The following ANKRD62 variants were observed in gnomAD, a reference collection of about 807,000 sequenced individuals.
The protein encoded by ANKRD62 is ankyrin repeat domain 62, also known as ankyrin repeat domain-containing protein 62.
In ANKRD62, 61 loss-of-function variants were observed where a neutral mutation model predicts 98.8. The observed-to-expected ratio is 0.62, with a 90% CI of 0.50 to 0.76. The LOEUF is 0.76. Ranked by LOEUF, ANKRD62 falls within the 30% of genes least tolerant of loss-of-function variation. The pLI is 0.00. For synonymous variants in ANKRD62, 341 were observed against 367.9 expected (o/e 0.93, Z 0.84); for missense variants, 933 against 1,082.9 (o/e 0.86, Z 1.94).
chr18:12,117,381 G>A (rs944976693), intron 10 of ANKRD62, among the ~76,000 whole-genome samples: 9 of 152,170 alleles, frequency 5.9e-5, no homozygotes, highest in Non-Finnish European at 1.0e-4. Flanking sequence ...TAGAGTTTAC[G>A]TAAACCTATT....
At chr18:12,167,766 C>T in the ANKRD62 span, among the ~76,000 whole-genome samples, 3 of 152,198 alleles carry the variant, frequency 2.0e-5, no homozygotes, top group Admixed American at 6.5e-5. Flanking sequence ...AAAAGCATTC[C>T]TATTTCTCCA....
intron 7 of ANKRD62, among the ~76,000 whole-genome samples, chr18:12,106,274 A>G (rs7242541): frequency 0.61 from 93,219 of 152,022 alleles, 29,053 homozygotes; most frequent in Middle Eastern, 0.75. Flanking sequence ...TTATTATGTC[A>G]GTACCATGGA....
At chr18:12,168,241 T>C in the ANKRD62 span, among the ~76,000 whole-genome samples, 6 of 152,164 alleles carry the variant, frequency 3.9e-5, no homozygotes, top group East Asian at 1.2e-3. Flanking sequence ...TTGCCTAGGT[T>C]TTCTTCTAGG....
rs1909344192 is a variant in ANKRD62 at position 12,103,219 on chromosome 18, C to T, written c.882C>T (p.Ser294=). Residue 294 remains serine (S), a synonymous_variant, in exon 7 of 14, where the codon AGC becomes AGT. Transcript: ENST00000587848. The part of the protein sequence containing the change: ...EQERLEGCES[S]QPQVEEKMKK... ...AAAGGCTTGAAGGATGTGAAAGTAG[C>T]CAGCCACAGGTATGTAAAAATTTAA... is the stretch of plus-strand genomic sequence containing the variant. 2.9e-6 allele frequency: 4 copies of T among 1,356,612 alleles called. No individual in the cohort carries two copies. The highest frequency in any genetic ancestry group is 3.0e-5 in the Admixed American group (1 of 33,072). 84.0% of individuals were successfully genotyped at this position (1,356,612 alleles called of 1,614,324 possible). A position where few individuals can be genotyped will look rare whatever the true frequency, so the allele number is the denominator to read the frequency against.
the ANKRD62 span, among the ~76,000 whole-genome samples, chr18:12,145,278 C>T: frequency 6.6e-6 from 1 of 152,048 alleles, no homozygotes; most frequent in South Asian, 2.1e-4. Flanking sequence ...GCTCTGCTAC[C>T]GCCCCCCACC....
the ANKRD62 span, among the ~76,000 whole-genome samples, chr18:12,170,717 G>A: frequency 6.6e-6 from 1 of 152,162 alleles, no homozygotes; most frequent in African/African-American, 2.4e-5. Flanking sequence ...TCTGTCTAAA[G>A]TTGACAGTGG....
At chr18:12,141,317 C>G in the ANKRD62 span, among the ~76,000 whole-genome samples, 1 of 152,192 alleles carries the variant, frequency 6.6e-6, no homozygotes, top group African/African-American at 2.4e-5. Flanking sequence ...GAGGTGATGC[C>G]TCGCCCTGCT....
intron 6 of ANKRD62, 91 bp downstream of exon 6, chr18:12,099,773 A>T (rs1488659904): frequency 1.8e-6 from 1 of 559,692 alleles, no homozygotes; most frequent in East Asian, 3.4e-5. Context: ...ACAGCAGTTT[A>T]AAAAAACCAC....
At chr18:12,126,901 A>T (rs543611891) in intron 13 of ANKRD62, among the ~76,000 whole-genome samples, 3 of 152,160 alleles carry the variant, frequency 2.0e-5, no homozygotes, top group Non-Finnish European at 2.9e-5. Flanking sequence ...ATTCATGTCA[A>T]TTTGACTTAA....
intron 8 of ANKRD62, among the ~76,000 whole-genome samples, chr18:12,108,665 CA>C (rs1389942711): frequency 1.3e-5 from 2 of 152,108 alleles, no homozygotes; most frequent in East Asian, 3.9e-4. Flanking sequence ...AGCTTTAACC[CA>C]AAAGTCCAAG....
chr18:12,118,658 G>A (rs543882606), intron 10 of ANKRD62, among the ~76,000 whole-genome samples: 1 of 150,564 alleles, frequency 6.6e-6, no homozygotes, highest in African/African-American at 2.4e-5. Flanking sequence ...AGGTTGACTT[G>A]TTTGACTTGG....
chr18:12,114,643 G>A (rs1210067297), intron 8 of ANKRD62, among the ~76,000 whole-genome samples: 2 of 152,062 alleles, frequency 1.3e-5, no homozygotes, highest in Admixed American at 6.6e-5. Context: ...CAGTACTTGC[G>A]CAGTATGTCC....
Position 12,095,534 on chromosome 18 carries a change from A to G in ANKRD62, c.431A>G (p.Tyr144Cys), listed in dbSNP as rs1010430531. 1.9e-6 allele frequency: 3 copies of G among 1,556,866 alleles called. No individual in the cohort carries two copies. Among genetic ancestry groups the G allele is most frequent in the East Asian group, 2.3e-5 (1 of 43,088 alleles). The part of the protein sequence containing the change: ...RDMYGNTALH[Y>C]AIDNENISMA... Reference sequence around the variant, plus strand: ...ATGTATGGCAACACTGCTCTGCACTATGCCATTGATAATGAGAATATATCA... The same window carrying G: ...ATGTATGGCAACACTGCTCTGCACTGTGCCATTGATAATGAGAATATATCA... Residue 144 changes from tyrosine to cysteine, a missense_variant, in exon 3 of 14, where the codon TAT becomes TGT. This residue lies in a region of ANKRD62 where 549 missense variants were observed against 587.9 expected (regional missense o/e 0.93). Coordinates refer to ENST00000587848, the MANE Select transcript of ANKRD62 (RefSeq NM_001277333.2).
chr18:12,171,569 G>C, the ANKRD62 span, among the ~76,000 whole-genome samples: 1 of 152,128 alleles, frequency 6.6e-6, no homozygotes, highest in Non-Finnish European at 1.5e-5. Flanking sequence ...GCTGCTCTCA[G>C]CCTTTTTTCC....
Position 12,125,884 on chromosome 18 carries a change from G to C in ANKRD62, c.2063G>C (p.Trp688Ser). The change falls in exon 13 of 14, where the codon TGG (tryptophan) becomes TCG (serine). Residue 688 changes from tryptophan (W) to serine (S), a missense_variant. Trp to Ser is a radical substitution (Grantham distance 177). Transcript: ENST00000587848. ...QLAFQSTVNE[W>S]CHLQEDTNSH... ...GCTTTCCAGAGCACAGTGAATGAAT[G>C]GTGTCATTTACAAGAAGACACTAAT... is the stretch of plus-strand genomic sequence containing the variant. 1 of 1,543,780 alleles carries C rather than the reference G, an allele frequency of 6.5e-7. No individual in the cohort carries two copies. Among genetic ancestry groups the C allele is most frequent in the Non-Finnish European group, 8.7e-7 (1 of 1,147,088 alleles).
the ANKRD62 span, among the ~76,000 whole-genome samples, chr18:12,160,779 T>C: frequency 6.6e-6 from 1 of 152,124 alleles, no homozygotes; most frequent in Non-Finnish European, 1.5e-5. Flanking sequence ...GCATTATATG[T>C]AAGTTGTTTG....
chr18:12,107,600 T>C, intron 8 of ANKRD62, 133 bp downstream of exon 8: 1 of 652,624 alleles, frequency 1.5e-6, no homozygotes, highest in Non-Finnish European at 2.2e-6. Context: ...CTGGTAATCA[T>C]AAAATGCAAA....
chr18:12,109,232 A>G (rs1909481949), intron 8 of ANKRD62, among the ~76,000 whole-genome samples: 1 of 152,168 alleles, frequency 6.6e-6, no homozygotes, highest in Non-Finnish European at 1.5e-5. Context: ...ACATCTAGGC[A>G]TTTCCATACA....
chr18:12,154,521 G>A, the ANKRD62 span, among the ~76,000 whole-genome samples: 1 of 152,176 alleles, frequency 6.6e-6, no homozygotes, highest in Non-Finnish European at 1.5e-5. Context: ...CCACCATTGT[G>A]GAAAGCCGTA....
Sources: gnomAD v4.1 joint callset for allele counts (sites outside exome capture counted in the v4.1 genomes callset) on GRCh38, gnomAD v4.1.1 for gene constraint, gnomAD v4.1.1 regional missense constraint, MANE v1.5 for transcripts, NCBI Gene and HGNC (gene_info 2026-07-23, HGNC 2026-07-21) for gene names.